The following NAT1 variants were observed in gnomAD, a reference collection of about 807,000 sequenced individuals.
NAT1 encodes the protein N-acetyltransferase 1, also known as arylamine N-acetyltransferase 1.
For missense variants in NAT1, 400 were observed against 339.2 expected, an observed-to-expected ratio of 1.18 and a Z score of -1.41; for synonymous variants, 144 against 122.6, an observed-to-expected ratio of 1.17 and a Z score of -1.16.
intron 2 of NAT1, among the ~76,000 whole-genome samples, chr8:18,195,165 C>A (rs886811833): frequency 1.3e-5 from 2 of 152,218 alleles, no homozygotes; most frequent in African/African-American, 4.8e-5. Flanking sequence ...GAGGACAACA[C>A]ATGGCTTCAA....
chr8:18,186,495 T>C (rs1802741577), intron 2 of NAT1, among the ~76,000 whole-genome samples: 1 of 152,104 alleles, frequency 6.6e-6, no homozygotes, highest in Non-Finnish European at 1.5e-5. Flanking sequence ...GCTACACATA[T>C]GTAAGTAGCA....
intron 2 of NAT1, chr8:18,201,096 C>G (rs1272174276): frequency 1.3e-5 from 2 of 152,106 alleles, no homozygotes; most frequent in East Asian, 1.9e-4. Context: ...ATACTGACAG[C>G]ATTATGCCTT....
At chr8:18,205,269 C>A (rs866922660), upstream of NAT1, among the ~76,000 whole-genome samples, 28 of 152,098 alleles carry the variant, frequency 1.8e-4, no homozygotes, top group African/African-American at 6.0e-4. Context: ...GGGGTGGAGG[C>A]AATGCAGCTG....
chr8:18,220,466 A>G (rs1026598715), intron 2 of NAT1, among the ~76,000 whole-genome samples: 1 of 152,230 alleles, frequency 6.6e-6, no homozygotes, highest in Non-Finnish European at 1.5e-5. Context: ...AGGTCTGTAC[A>G]GCACTGTTAC....
At chr8:18,216,777 A>G (rs1804716589) in intron 1 of NAT1, 2 of 656,210 alleles carry the variant, frequency 3.0e-6, no homozygotes, top group Non-Finnish European at 5.0e-6. Context: ...GTTGACAGAC[A>G]GATACTGGGT....
intron 2 of NAT1, among the ~76,000 whole-genome samples, chr8:18,187,927 T>C (rs927043044): frequency 9.1e-6 from 1 of 109,740 alleles, no homozygotes; most frequent in South Asian, 3.2e-4. Context: ...GCTATTATCT[T>C]GTATCTTAAA....
At chr8:18,185,160 A>G (rs1290843705) in intron 2 of NAT1, among the ~76,000 whole-genome samples, 5 of 152,186 alleles carry the variant, frequency 3.3e-5, no homozygotes, top group African/African-American at 1.2e-4. Flanking sequence ...GTGTACCGAC[A>G]TTAGATTAAC....
At chr8:18,175,242 T>C (rs1802251375) in intron 2 of NAT1, among the ~76,000 whole-genome samples, 2 of 152,114 alleles carry the variant, frequency 1.3e-5, no homozygotes, top group African/African-American at 4.8e-5. Context: ...CTATTCTTTT[T>C]AGCAATTATG....
chr8:18,211,020 A>G (rs1298300450), intron 1 of NAT1, among the ~76,000 whole-genome samples: 1 of 152,104 alleles, frequency 6.6e-6, no homozygotes, highest in Non-Finnish European at 1.5e-5. Context: ...GGCTAGGCTC[A>G]TCTCGAACTC....
intron 2 of NAT1, among the ~76,000 whole-genome samples, chr8:18,177,232 T>C (rs1168293454): frequency 6.6e-6 from 1 of 152,098 alleles, no homozygotes. Flanking sequence ...TCTTTTCTTG[T>C]TCCCTCTTTT....
At chr8:18,191,573 G>T (rs372079604) in intron 2 of NAT1, among the ~76,000 whole-genome samples, 2 of 151,806 alleles carry the variant, frequency 1.3e-5, no homozygotes, top group Admixed American at 6.6e-5. Flanking sequence ...GAGGCATCAC[G>T]CTACCTGACT....
chr8:18,214,478 A>G lies in NAT1; in HGVS notation c.-86+4298A>G, dbSNP rs539696594. Among the ~76,000 whole-genome samples, 6 of 152,318 alleles carry G rather than the reference A, an allele frequency of 3.9e-5. No homozygotes were observed. The South Asian group carries it at 1.2e-3, about 32-fold the overall frequency. ...TCACCAGTGGATATTTTTGTGTAAC[A>G]TTCTCTTGCTGTCCTGATGTTTTCT... is the stretch of plus-strand genomic sequence containing the variant. On this transcript the variant is annotated intron_variant, in intron 1 of 2. Coordinates refer to ENST00000307719, the MANE Select transcript of NAT1 (RefSeq NM_000662.8).
chr8:18,222,682 C>G lies in NAT1; in HGVS notation c.635C>G (p.Ser212Cys). The G allele has an allele frequency of 6.2e-7, 1 of 1,614,026 alleles. No homozygotes were observed. Among genetic ancestry groups the G allele is most frequent in the Non-Finnish European group, 8.5e-7 (1 of 1,179,984 alleles). Reference protein sequence around the residue: ...FESMNTYLQTSPSSVFTSKSF... With the variant: ...FESMNTYLQTCPSSVFTSKSF... ...TCTATGAATACATACCTGCAGACATCTCCATCATCTGTGTTTACTAGTAAA... is the reference window on the plus strand; with the variant it reads ...TCTATGAATACATACCTGCAGACATGTCCATCATCTGTGTTTACTAGTAAA... Residue 212 changes from serine (S) to cysteine (C), a missense_variant, in exon 3 of 3, where the codon TCT (serine) becomes TGT (cysteine). Ser to Cys is a moderately radical substitution (Grantham distance 112, BLOSUM62 -1). Transcript: ENST00000307719.
intron 2 of NAT1, among the ~76,000 whole-genome samples, chr8:18,185,297 A>C (rs1400811803): frequency 6.6e-6 from 1 of 152,110 alleles, no homozygotes; most frequent in Non-Finnish European, 1.5e-5. Context: ...TGTTTGTGTG[A>C]ATTTTTTAAA....
chr8:18,183,378 C>T (rs186804642), intron 2 of NAT1, among the ~76,000 whole-genome samples: 8 of 152,158 alleles, frequency 5.3e-5, no homozygotes, highest in South Asian at 2.1e-4. Context: ...CCAAAACTCA[C>T]GTCCTCGCAT....
intron 2 of NAT1, among the ~76,000 whole-genome samples, chr8:18,220,923 C>T (rs141113165): frequency 1.9e-4 from 29 of 152,354 alleles, no homozygotes; most frequent in Middle Eastern, 3.4e-3. Flanking sequence ...GTCCATGTGA[C>T]TATCCATAAG....
intron 1 of NAT1, among the ~76,000 whole-genome samples, chr8:18,214,203 G>C (rs937514877): frequency 1.3e-5 from 2 of 152,128 alleles, no homozygotes; most frequent in African/African-American, 4.8e-5. Flanking sequence ...TTCTGTATTG[G>C]AAGGAGTCAG....
intron 1 of NAT1, among the ~76,000 whole-genome samples, chr8:18,212,935 C>T (rs1221556104): frequency 6.6e-6 from 1 of 150,816 alleles, no homozygotes; most frequent in African/African-American, 2.4e-5. Flanking sequence ...GACAGAGTCT[C>T]ACTCTATTGC....
chr8:18,192,641 C>T (rs1277302785), intron 2 of NAT1, among the ~76,000 whole-genome samples: 7 of 151,970 alleles, frequency 4.6e-5, no homozygotes, highest in African/African-American at 1.2e-4. Flanking sequence ...ACATATACAC[C>T]ATGGAATACT....
Sources: allele counts gnomAD v4.1 joint callset (sites outside exome capture counted in the v4.1 genomes callset), GRCh38; gene constraint gnomAD v4.1.1; transcripts MANE v1.5; gene names NCBI Gene and HGNC (gene_info 2026-07-23, HGNC 2026-07-21).